THSD7B: variants seen among roughly 807,000 people sequenced by gnomAD.
The protein encoded by THSD7B is thrombospondin type-1 domain-containing protein 7B.
THSD7B carries 138 observed loss-of-function variants against 213.6 expected under a neutral mutation model. That is an observed-to-expected ratio of 0.65 (90% CI 0.56 to 0.74). The LOEUF is 0.74. Among genes scored for constraint, THSD7B ranks in the 30% least tolerant of loss-of-function variants. The probability of loss-of-function intolerance (pLI) is 0.00; values close to 1 mark genes in which losing one functional copy is unlikely to be tolerated. For missense variants in THSD7B, 1,931 were observed against 1,991.5 expected, an observed-to-expected ratio of 0.97 and a Z score of 0.58; for synonymous variants, 742 against 687.0, an observed-to-expected ratio of 1.08 and a Z score of -1.25.
At chr2:137,331,757 G>C (rs1394051258) in intron 12 of THSD7B, among the ~76,000 whole-genome samples, 1 of 152,222 alleles carries the variant, frequency 6.6e-6, no homozygotes, top group African/African-American at 2.4e-5. Flanking sequence ...TGCCCCGAGG[G>C]AAGGCAGCTA....
intron 2 of THSD7B, among the ~76,000 whole-genome samples, chr2:137,029,979 G>T (rs1686632560): frequency 6.6e-6 from 1 of 152,146 alleles, no homozygotes. Context: ...TTTGTGATCT[G>T]TATAAGACTG....
At chr2:137,391,238 G>T (rs1686019091) in intron 12 of THSD7B, among the ~76,000 whole-genome samples, 1 of 152,106 alleles carries the variant, frequency 6.6e-6, no homozygotes, top group Non-Finnish European at 1.5e-5. Context: ...TTTCTCATTT[G>T]TGAGCATATA....
chr2:137,463,962 T>A (rs1198132562), intron 15 of THSD7B, among the ~76,000 whole-genome samples: 1 of 152,026 alleles, frequency 6.6e-6, no homozygotes, highest in Non-Finnish European at 1.5e-5. Flanking sequence ...CAGAAAAGGA[T>A]GTTTGTAAGG....
chr2:136,954,694 G>T (rs1218472654), intron 2 of THSD7B, among the ~76,000 whole-genome samples: 3 of 130,166 alleles, frequency 2.3e-5, no homozygotes, highest in Non-Finnish European at 4.6e-5. Context: ...TCCAGCCTGG[G>T]TGACAGTGAG....
intron 1 of THSD7B, among the ~76,000 whole-genome samples, chr2:136,774,164 C>A (rs908486370): frequency 5.3e-5 from 8 of 151,936 alleles, no homozygotes; most frequent in East Asian, 1.9e-4. Context: ...GTATGTGTAG[C>A]CTAATACACA....
chr2:137,542,678 A>G (rs1680631148), intron 15 of THSD7B, among the ~76,000 whole-genome samples: 3 of 151,886 alleles, frequency 2.0e-5, no homozygotes, highest in South Asian at 4.1e-4. Flanking sequence ...AAGTCTTGAT[A>G]TCATACAAAG....
chr2:136,800,691 G>A (rs748758105), intron 1 of THSD7B, among the ~76,000 whole-genome samples: 19 of 141,656 alleles, frequency 1.3e-4, no homozygotes, highest in Non-Finnish European at 2.1e-4. Context: ...ATGGGCTTCC[G>A]TAATTTTTTC....
intron 21 of THSD7B, among the ~76,000 whole-genome samples, chr2:137,646,681 T>TAAA (rs777486719): frequency 2.1e-4 from 31 of 148,172 alleles, no homozygotes; most frequent in African/African-American, 7.2e-4. Context: ...ATAATAATAA[T>TAAA]AAACACTTCA....
At chr2:137,345,169 ATGT>A (rs1220939208) in intron 12 of THSD7B, among the ~76,000 whole-genome samples, 1 of 151,720 alleles carries the variant, frequency 6.6e-6, no homozygotes, top group Non-Finnish European at 1.5e-5. Context: ...ACAGAAGCAA[ATGT>A]TGTTAGCCAT....
chr2:136,817,840 C>T (rs1284075263), intron 1 of THSD7B, among the ~76,000 whole-genome samples: 1 of 148,226 alleles, frequency 6.7e-6, no homozygotes, highest in East Asian at 2.0e-4. Flanking sequence ...ATCAAAACCA[C>T]AATGAGATAC....
intron 12 of THSD7B, among the ~76,000 whole-genome samples, chr2:137,326,908 G>C (rs1684386030): frequency 6.6e-6 from 1 of 152,070 alleles, no homozygotes; most frequent in Non-Finnish European, 1.5e-5. Context: ...CAGCAGCCAA[G>C]CTTAAGTGTG....
chr2:137,546,476 ATAAT>A (rs1161911668), intron 15 of THSD7B, among the ~76,000 whole-genome samples: 2 of 60,442 alleles, frequency 3.3e-5, no homozygotes. Flanking sequence ...ATATATATAT[ATAAT>A]ATATATATAT....
intron 15 of THSD7B, among the ~76,000 whole-genome samples, chr2:137,492,479 G>C (rs1027609484): frequency 2.6e-5 from 4 of 152,110 alleles, no homozygotes; most frequent in Non-Finnish European, 4.4e-5. Flanking sequence ...GTATAAGTAG[G>C]TAATAACTGG....
At chr2:137,129,390 A>C (rs955990631) in intron 5 of THSD7B, among the ~76,000 whole-genome samples, 5 of 151,986 alleles carry the variant, frequency 3.3e-5, no homozygotes, top group Admixed American at 2.6e-4. Flanking sequence ...GACTTCTTAA[A>C]GGAGTTTTGT....
intron 1 of THSD7B, among the ~76,000 whole-genome samples, chr2:136,779,807 T>G (rs1271736603): frequency 6.6e-6 from 1 of 152,210 alleles, no homozygotes; most frequent in African/African-American, 2.4e-5. Context: ...TGGTCTACAA[T>G]AAGCCTATGA....
intron 2 of THSD7B, among the ~76,000 whole-genome samples, chr2:137,008,758 T>C (rs1686166341): frequency 6.6e-6 from 1 of 152,166 alleles, no homozygotes; most frequent in Admixed American, 6.5e-5. Context: ...ATAAAAAAAA[T>C]CACTTGCTTA....
intron 2 of THSD7B, among the ~76,000 whole-genome samples, chr2:137,024,481 A>G (rs1377208681): frequency 6.6e-6 from 1 of 152,070 alleles, no homozygotes; most frequent in African/African-American, 2.4e-5. Context: ...TCATACTGAA[A>G]TCTCCCTGCA....
At chr2:137,024,333 T>A (rs866906513) in intron 2 of THSD7B, among the ~76,000 whole-genome samples, 3 of 152,064 alleles carry the variant, frequency 2.0e-5, no homozygotes, top group African/African-American at 7.2e-5. Context: ...TTGCTCTCTT[T>A]TGTGGGTTAG....
chr2:137,647,300 T>A (rs1683051414), intron 21 of THSD7B, among the ~76,000 whole-genome samples: 1 of 152,126 alleles, frequency 6.6e-6, no homozygotes, highest in East Asian at 1.9e-4. Context: ...AGTGCATAGT[T>A]GTCAGACTGT....
Sources: gnomAD v4.1 joint callset for allele counts (sites outside exome capture counted in the v4.1 genomes callset) on GRCh38, gnomAD v4.1.1 for gene constraint, MANE v1.5 for transcripts, NCBI Gene and HGNC (gene_info 2026-07-23, HGNC 2026-07-21) for gene names.